The following DAB1 variants were observed in gnomAD, a reference collection of about 807,000 sequenced individuals.
DAB1 encodes DAB adaptor protein 1.
A neutral mutation model predicts 64.6 loss-of-function variants in DAB1; 15 were observed. That is an observed-to-expected ratio of 0.23 (90% CI 0.16 to 0.36). DAB1 has a LOEUF of 0.36. Among genes scored for constraint, DAB1 ranks in the 10% least tolerant of loss-of-function variants. The pLI is 1.00. For synonymous variants in DAB1, 235 were observed against 251.9 expected, an observed-to-expected ratio of 0.93 and a Z score of 0.64; for missense variants, 596 against 706.7, an observed-to-expected ratio of 0.84 and a Z score of 1.78.
At chr1:57,701,968 G>T (rs1289924157) in intron 6 of DAB1, among the ~76,000 whole-genome samples, 2 of 152,068 alleles carry the variant, frequency 1.3e-5, no homozygotes, top group Non-Finnish European at 2.9e-5. Context: ...CTTGATCTGA[G>T]AGCTTACATA....
chr1:57,477,971 T>C (rs1643959629), intron 7 of DAB1, among the ~76,000 whole-genome samples: 1 of 152,062 alleles, frequency 6.6e-6, no homozygotes. Flanking sequence ...GTTACATATG[T>C]ATACATGTGC....
chr1:57,495,277 ATG>A (rs1394139381), intron 7 of DAB1, among the ~76,000 whole-genome samples: 1 of 152,214 alleles, frequency 6.6e-6, no homozygotes, highest in African/African-American at 2.4e-5. Flanking sequence ...GGACAAAAAG[ATG>A]CTGCCAAGTA....
chr1:58,075,283 G>A (rs1478748155), intron 5 of DAB1, among the ~76,000 whole-genome samples: 1 of 152,178 alleles, frequency 6.6e-6, no homozygotes, highest in Admixed American at 6.5e-5. Context: ...AATACTCTGG[G>A]ATTCCTTATT....
intron 4 of DAB1, among the ~76,000 whole-genome samples, chr1:58,288,627 C>T (rs1168384268): frequency 1.3e-5 from 2 of 152,110 alleles, no homozygotes; most frequent in Non-Finnish European, 2.9e-5. Context: ...GTGAAAAGTT[C>T]GTCTTTTAGT....
chr1:57,339,591 CAAT>C (rs1161485768), intron 1 of DAB1, among the ~76,000 whole-genome samples: 2 of 152,106 alleles, frequency 1.3e-5, no homozygotes, highest in African/African-American at 2.4e-5. Flanking sequence ...GATTACAGAC[CAAT>C]GATTTCAGGC....
At chr1:57,317,259 A>G (rs1231934816) in intron 1 of DAB1, among the ~76,000 whole-genome samples, 2 of 152,126 alleles carry the variant, frequency 1.3e-5, no homozygotes, top group Non-Finnish European at 2.9e-5. Context: ...ATCCCGGGTG[A>G]GCCTCGCAAT....
intron 7 of DAB1, among the ~76,000 whole-genome samples, chr1:57,460,039 C>T: frequency 6.6e-6 from 1 of 152,120 alleles, no homozygotes; most frequent in East Asian, 1.9e-4. Context: ...GTGGGGCTAC[C>T]ACTAGCTCAT....
intron 7 of DAB1, among the ~76,000 whole-genome samples, chr1:57,476,183 G>A (rs1050755370): frequency 6.1e-5 from 9 of 146,862 alleles, no homozygotes; most frequent in African/African-American, 1.8e-4. Flanking sequence ...CCGAGGTCAC[G>A]CCACTGTACT....
intron 4 of DAB1, among the ~76,000 whole-genome samples, chr1:58,177,788 A>G (rs568003840): frequency 2.3e-4 from 35 of 152,240 alleles, no homozygotes; most frequent in African/African-American, 8.2e-4. Flanking sequence ...CTCCAAACCC[A>G]TTTGTTTGCA....
chr1:58,395,515 C>A (rs557249233), intron 3 of DAB1, among the ~76,000 whole-genome samples: 44 of 152,308 alleles, frequency 2.9e-4, no homozygotes, highest in African/African-American at 1.1e-3. Context: ...ATCCAAGAGG[C>A]CAGTGTTCTG....
At chr1:58,058,843 T>C (rs1648311898) in intron 5 of DAB1, among the ~76,000 whole-genome samples, 2 of 152,246 alleles carry the variant, frequency 1.3e-5, no homozygotes, top group Admixed American at 1.3e-4. Flanking sequence ...CATTGAACTA[T>C]CTTGCATATT....
intron 1 of DAB1, chr1:58,539,189 G>C (rs181552885): frequency 1.1e-6 from 1 of 872,890 alleles, no homozygotes; most frequent in Non-Finnish European, 2.0e-6. Flanking sequence ...TGACAGCCCC[G>C]TGAGGTGGAT....
chr1:57,637,935 A>G (rs1646077081), intron 7 of DAB1, among the ~76,000 whole-genome samples: 1 of 152,218 alleles, frequency 6.6e-6, no homozygotes, highest in Admixed American at 6.5e-5. Flanking sequence ...CATTTACTCA[A>G]TGGAATATTA....
At chr1:57,461,943 CTTTT>C (rs545743407) in intron 7 of DAB1, among the ~76,000 whole-genome samples, 50 of 100,336 alleles carry the variant, frequency 5.0e-4, no homozygotes, top group African/African-American at 1.6e-3. Context: ...AAGATATACT[CTTTT>C]TTTTTTTTTT....
chr1:57,454,896 CT>C (rs1353214480), intron 7 of DAB1, among the ~76,000 whole-genome samples: 1 of 151,944 alleles, frequency 6.6e-6, no homozygotes, highest in Non-Finnish European at 1.5e-5. Context: ...AAATATCAGT[CT>C]GGTAGAGAAG....
chr1:57,157,374 G>T (rs10789045), intron 2 of DAB1, among the ~76,000 whole-genome samples: 1 of 151,932 alleles, frequency 6.6e-6, no homozygotes, highest in Non-Finnish European at 1.5e-5. Context: ...TCTTATCAGC[G>T]CAGACCACTA....
At chr1:57,893,962 C>T (rs935480998) in intron 5 of DAB1, among the ~76,000 whole-genome samples, 1 of 152,112 alleles carries the variant, frequency 6.6e-6, no homozygotes, top group Non-Finnish European at 1.5e-5. Context: ...GGACATCCGG[C>T]TGGGGAGGGA....
chr1:58,440,853 T>A (rs1645000330), intron 3 of DAB1, among the ~76,000 whole-genome samples: 1 of 152,116 alleles, frequency 6.6e-6, no homozygotes, highest in South Asian at 2.1e-4. Context: ...TGGAAATAAT[T>A]TCTGGAGAGG....
intron 4 of DAB1, among the ~76,000 whole-genome samples, chr1:58,218,912 T>A (rs1039119845): frequency 1.3e-5 from 2 of 151,960 alleles, no homozygotes; most frequent in Admixed American, 6.6e-5. Context: ...GGGTGGTTTT[T>A]AAAAAGGTAT....
Sources: allele counts gnomAD v4.1 joint callset (sites outside exome capture counted in the v4.1 genomes callset), GRCh38; gene constraint gnomAD v4.1.1; transcripts MANE v1.5; gene names NCBI Gene and HGNC (gene_info 2026-07-23, HGNC 2026-07-21).